Variants in CSNK1G3 observed in about 807,000 individuals in gnomAD.
The protein encoded by CSNK1G3 is casein kinase 1 gamma 3.
CSNK1G3 carries 23 observed loss-of-function variants against 64.3 expected under a neutral mutation model. The observed-to-expected ratio is 0.36, with a 90% CI of 0.26 to 0.51. The LOEUF (loss-of-function observed/expected upper bound fraction) is 0.51, where lower values mean the gene tolerates loss of function less well. Ranked by LOEUF, CSNK1G3 falls within the 20% of genes least tolerant of loss-of-function variation. The probability of loss-of-function intolerance (pLI) is 0.96; values close to 1 mark genes in which losing one functional copy is unlikely to be tolerated. For synonymous variants in CSNK1G3, 158 were observed against 162.2 expected, an observed-to-expected ratio of 0.97 and a Z score of 0.20; for missense variants, 357 against 510.5, an observed-to-expected ratio of 0.70 and a Z score of 2.90.
chr5:123,548,433 C>G (rs1463951628), intron 2 of CSNK1G3, among the ~76,000 whole-genome samples: 1 of 131,448 alleles, frequency 7.6e-6, no homozygotes, highest in African/African-American at 2.9e-5. Context: ...CATTTCTAGC[C>G]TGGGTGACAG....
intron 6 of CSNK1G3, among the ~76,000 whole-genome samples, chr5:123,582,134 G>A (rs1054122546): frequency 6.6e-6 from 1 of 152,042 alleles, no homozygotes; most frequent in African/African-American, 2.4e-5. Flanking sequence ...GTTGAAAATT[G>A]AATTGAAATT....
chr5:123,561,923 A>G (rs1785811656), intron 4 of CSNK1G3, among the ~76,000 whole-genome samples: 1 of 151,984 alleles, frequency 6.6e-6, no homozygotes. Flanking sequence ...GTCTCTTAAA[A>G]TCTCTCTTGA....
chr5:123,584,800 G>A (rs1791002291), intron 6 of CSNK1G3, among the ~76,000 whole-genome samples: 1 of 152,118 alleles, frequency 6.6e-6, no homozygotes, highest in Non-Finnish European at 1.5e-5. Flanking sequence ...GGCAGTTTTA[G>A]TTATTAGTAG....
intron 12 of CSNK1G3, among the ~76,000 whole-genome samples, chr5:123,610,015 A>T (rs1165253349): frequency 6.6e-6 from 1 of 152,198 alleles, no homozygotes; most frequent in African/African-American, 2.4e-5. Context: ...CAAGTTGAAA[A>T]GTTCAGAACT....
chr5:123,591,258 A>G, intron 9 of CSNK1G3, 61 bp from the exon 10 acceptor site: 1 of 1,039,208 alleles, frequency 9.6e-7, no homozygotes, highest in Non-Finnish European at 1.4e-6. Context: ...AAGCAGCTAA[A>G]TGATTTTAAA....
intron 1 of CSNK1G3, among the ~76,000 whole-genome samples, chr5:123,514,073 TTGACA>T (rs1432978572): frequency 6.6e-6 from 1 of 152,214 alleles, no homozygotes; most frequent in Admixed American, 6.5e-5. Flanking sequence ...TTGTGTGGCT[TTGACA>T]TACATTCTTA....
chr5:123,532,146 A>G (rs1561466314), intron 1 of CSNK1G3, among the ~76,000 whole-genome samples: 1 of 151,878 alleles, frequency 6.6e-6, no homozygotes, highest in Non-Finnish European at 1.5e-5. Context: ...ATTTTAATGT[A>G]CACTCTGAAT....
intron 6 of CSNK1G3, among the ~76,000 whole-genome samples, chr5:123,586,316 C>T (rs548054656): frequency 2.6e-5 from 4 of 152,240 alleles, no homozygotes; most frequent in African/African-American, 9.6e-5. Context: ...AGAAATGCCT[C>T]TTGATTGTGG....
intron 1 of CSNK1G3, among the ~76,000 whole-genome samples, chr5:123,525,244 A>ATGT (rs1778834130): frequency 6.7e-6 from 1 of 149,476 alleles, no homozygotes; most frequent in Non-Finnish European, 1.5e-5. Flanking sequence ...ATTAGGGAGA[A>ATGT]TGTTAACATG....
intron 1 of CSNK1G3, among the ~76,000 whole-genome samples, chr5:123,537,899 G>A (rs1376153941): frequency 6.6e-6 from 1 of 152,040 alleles, no homozygotes; most frequent in Non-Finnish European, 1.5e-5. Flanking sequence ...TAGTTTTGCT[G>A]GTTCTAGAGC....
chr5:123,519,136 C>G (rs1400242445), intron 1 of CSNK1G3, among the ~76,000 whole-genome samples: 1 of 151,926 alleles, frequency 6.6e-6, no homozygotes, highest in Non-Finnish European at 1.5e-5. Context: ...TCATTGCAAC[C>G]CCTGCCTCTT....
intron 12 of CSNK1G3, among the ~76,000 whole-genome samples, chr5:123,608,108 G>C (rs1325532968): frequency 6.6e-6 from 1 of 151,990 alleles, no homozygotes; most frequent in Non-Finnish European, 1.5e-5. Context: ...TTTCTAAATT[G>C]CATCTTATAC....
At chr5:123,558,258 C>T (rs374004646) in intron 4 of CSNK1G3, among the ~76,000 whole-genome samples, 117 of 152,142 alleles carry the variant, frequency 7.7e-4, no homozygotes, top group African/African-American at 2.7e-3. Context: ...TTACAGCAGC[C>T]GTAGGCAACT....
At chr5:123,567,548 G>A (rs1787164914) in intron 4 of CSNK1G3, among the ~76,000 whole-genome samples, 1 of 152,172 alleles carries the variant, frequency 6.6e-6, no homozygotes, top group African/African-American at 2.4e-5. Flanking sequence ...GGAGGTTGTG[G>A]CAAGCTGAGA....
At chr5:123,553,201 A>C (rs76905986) in intron 3 of CSNK1G3, 54 bp downstream of exon 3, 1 of 934,786 alleles carries the variant, frequency 1.1e-6, no homozygotes, top group African/African-American at 1.8e-5. Flanking sequence ...CTTTTTAAGT[A>C]ACTTATATAT....
chr5:123,568,301 T>C (rs952575244), intron 4 of CSNK1G3, among the ~76,000 whole-genome samples: 1 of 152,076 alleles, frequency 6.6e-6, no homozygotes, highest in African/African-American at 2.4e-5. Flanking sequence ...GACTATGACC[T>C]TTTTTTGGTG....
intron 4 of CSNK1G3, among the ~76,000 whole-genome samples, chr5:123,562,175 A>C (rs971994864): frequency 6.6e-6 from 1 of 151,844 alleles, no homozygotes; most frequent in Admixed American, 6.6e-5. Flanking sequence ...AATGAATTCT[A>C]TTTTTCTTTA....
In CSNK1G3 at chr5:123,576,577, T is replaced by C. The variant is rs984570149; in HGVS notation, c.673+614T>C. Among the ~76,000 whole-genome samples the C allele has an allele frequency of 2.0e-5, 3 of 152,148 alleles. No individual in the cohort carries two copies. In the South Asian group the frequency reaches 6.2e-4, roughly 31 times the overall value. ...TCATATCCCTTAAATCATTTTCATC[T>C]GGAACAGTTCCTCAGTCGTTCGTTA... is the stretch of plus-strand genomic sequence containing the variant. On this transcript the variant is annotated intron_variant, in intron 6 of 12. Coordinates refer to ENST00000345990, the Ensembl canonical transcript of CSNK1G3.
At chr5:123,562,792 T>C (rs1249975503) in intron 4 of CSNK1G3, among the ~76,000 whole-genome samples, 2 of 152,162 alleles carry the variant, frequency 1.3e-5, no homozygotes, top group East Asian at 3.9e-4. Flanking sequence ...CAAGGAGATA[T>C]GCAGAAAGTT....
Sources: gnomAD v4.1 joint callset for allele counts (sites outside exome capture counted in the v4.1 genomes callset) on GRCh38, gnomAD v4.1.1 for gene constraint, MANE v1.5 for transcripts, NCBI Gene and HGNC (gene_info 2026-07-23, HGNC 2026-07-21) for gene names.